CADM1: variants seen among roughly 807,000 people sequenced by gnomAD.
CADM1 encodes the protein TSLC-1.
A neutral mutation model predicts 53.1 loss-of-function variants in CADM1; 15 were observed. That is an observed-to-expected ratio of 0.28 (90% CI 0.19 to 0.44). The LOEUF (loss-of-function observed/expected upper bound fraction) is 0.44, where lower values mean the gene tolerates loss of function less well. CADM1 is among the 20% of genes least tolerant of loss of function. The pLI is 1.00. For synonymous variants in CADM1, 281 were observed against 243.0 expected, an observed-to-expected ratio of 1.16 and a Z score of -1.45; for missense variants, 434 against 611.3, an observed-to-expected ratio of 0.71 and a Z score of 3.06.
chr11:115,295,531 TA>T lies in CADM1; in HGVS notation c.125-55112del, dbSNP rs1163658362. Among the ~76,000 whole-genome samples, 793 of 85,582 alleles carry T rather than the reference TA, an allele frequency of 9.3e-3. 32 individuals are homozygous for T. Among genetic ancestry groups the T allele is most frequent in the African/African-American group, 0.061 (751 of 12,380 alleles). The allele number at this position is 85,582 out of a possible 152,430, so 56.1% of individuals were successfully genotyped here. ...TTATATATATATATATATATATATA[TA>T]TATATATATATATATATAATATATA... On this transcript the variant is annotated intron_variant, in intron 1 of 11. Coordinates refer to ENST00000331581, the MANE Select transcript of CADM1 (RefSeq NM_001301043.2).
At chr11:115,415,484 G>A (rs184221560) in intron 1 of CADM1, among the ~76,000 whole-genome samples, 1 of 152,132 alleles carries the variant, frequency 6.6e-6, no homozygotes, top group Non-Finnish European at 1.5e-5. Flanking sequence ...ACATATGCAA[G>A]GCAAATAAGG....
At chr11:115,336,487 G>A (rs187718727) in intron 1 of CADM1, among the ~76,000 whole-genome samples, 1 of 152,162 alleles carries the variant, frequency 6.6e-6, no homozygotes, top group African/African-American at 2.4e-5. Flanking sequence ...GAACAAGTGG[G>A]AACTCCTAAT....
chr11:115,456,913 C>T (rs1347579929), intron 1 of CADM1, among the ~76,000 whole-genome samples: 1 of 152,142 alleles, frequency 6.6e-6, no homozygotes, highest in Non-Finnish European at 1.5e-5. Context: ...TACTGTTGAT[C>T]ATGCTGTTCC....
intron 1 of CADM1, among the ~76,000 whole-genome samples, chr11:115,498,378 C>T (rs935364268): frequency 1.3e-5 from 2 of 152,164 alleles, no homozygotes; most frequent in Admixed American, 6.5e-5. Flanking sequence ...CCTTTAAAGA[C>T]AAATATACGA....
At chr11:115,246,453 C>G (rs1247497105) in intron 1 of CADM1, among the ~76,000 whole-genome samples, 3 of 152,198 alleles carry the variant, frequency 2.0e-5, no homozygotes, top group Non-Finnish European at 1.5e-5. Flanking sequence ...TTGACCCAAA[C>G]ACTTCATCTG....
intron 7 of CADM1, among the ~76,000 whole-genome samples, chr11:115,210,722 T>C (rs566570775): frequency 1.3e-5 from 2 of 152,358 alleles, no homozygotes; most frequent in African/African-American, 4.8e-5. Flanking sequence ...TCTCAGATTG[T>C]CTAATTAATA....
At chr11:115,243,528 T>A (rs1208962591) in intron 1 of CADM1, among the ~76,000 whole-genome samples, 2 of 152,186 alleles carry the variant, frequency 1.3e-5, no homozygotes, top group African/African-American at 4.8e-5. Context: ...TGCAAAGGAA[T>A]AATAATGACC....
At chr11:115,227,992 A>G (rs1453372924) in intron 5 of CADM1, among the ~76,000 whole-genome samples, 1 of 152,258 alleles carries the variant, frequency 6.6e-6, no homozygotes, top group African/African-American at 2.4e-5. Flanking sequence ...AGATGAGGCC[A>G]TTCTGGATTA....
At chr11:115,181,636 C>T (rs750699323) in intron 10 of CADM1, among the ~76,000 whole-genome samples, 33 of 152,232 alleles carry the variant, frequency 2.2e-4, no homozygotes, top group Non-Finnish European at 4.3e-4. Context: ...ACTCCCACCT[C>T]CTGGGTTTAC....
At chr11:115,256,973 T>C in intron 1 of CADM1, 1 of 451,780 alleles carries the variant, frequency 2.2e-6, no homozygotes, top group Non-Finnish European at 4.5e-6. Context: ...TGGGCAGTCA[T>C]GCTTGTCACA....
At position 115,496,382 on chromosome 11, in the gene CADM1, A is replaced by G. The variant is rs117704425; in HGVS notation, c.124+7889T>C. Among the ~76,000 whole-genome samples the G allele has an allele frequency of 4.9e-3, 749 of 152,332 alleles. 12 individuals carry two copies. The highest frequency in any genetic ancestry group is 0.011 in the South Asian group (55 of 4,834). ...GGAAAAAAGATAAAGAGAGTATTTT[A>G]TGCAAAGGTAACCAGCTGAAGGCTG... On this transcript the variant is annotated intron_variant, in intron 1 of 11. Transcript: ENST00000331581.
At chr11:115,400,763 A>T (rs958249701) in intron 1 of CADM1, among the ~76,000 whole-genome samples, 1 of 144,926 alleles carries the variant, frequency 6.9e-6, no homozygotes, top group Non-Finnish European at 1.5e-5. Flanking sequence ...ATCAGATTTC[A>T]TCAGGGAAAT....
At chr11:115,224,119 A>G (rs1356118367) in intron 5 of CADM1, among the ~76,000 whole-genome samples, 3 of 152,068 alleles carry the variant, frequency 2.0e-5, no homozygotes, top group Non-Finnish European at 4.4e-5. Flanking sequence ...TTGGGAACTA[A>G]GTGTTATCCT....
At chr11:115,357,070 A>C (rs1354753192) in intron 1 of CADM1, among the ~76,000 whole-genome samples, 4 of 152,206 alleles carry the variant, frequency 2.6e-5, no homozygotes. Flanking sequence ...ACTGTGAAGA[A>C]AATTGAAATA....
At chr11:115,308,211 T>TATATATATATATATATATACAC (rs139012671) in intron 1 of CADM1, among the ~76,000 whole-genome samples, 61 of 139,418 alleles carry the variant, frequency 4.4e-4, no homozygotes, top group East Asian at 2.4e-3. Flanking sequence ...TATATATATA[T>TATATATATATATATATATACAC]ACACACCTAT....
At chr11:115,482,524 A>G (rs1367974603) in intron 1 of CADM1, among the ~76,000 whole-genome samples, 1 of 152,224 alleles carries the variant, frequency 6.6e-6, no homozygotes, top group East Asian at 1.9e-4. Context: ...ACTCTTAAAC[A>G]GTACTTCCTG....
At chr11:115,484,607 G>A (rs1949329416) in intron 1 of CADM1, among the ~76,000 whole-genome samples, 1 of 152,142 alleles carries the variant, frequency 6.6e-6, no homozygotes, top group Admixed American at 6.5e-5. Flanking sequence ...CCATGGTAAA[G>A]ACACAATTTG....
At chr11:115,234,277 G>C (rs1941932971) in intron 3 of CADM1, among the ~76,000 whole-genome samples, 1 of 152,160 alleles carries the variant, frequency 6.6e-6, no homozygotes, top group African/African-American at 2.4e-5. Context: ...ATGAGGGTGT[G>C]TTCCTTCCAC....
intron 4 of CADM1, among the ~76,000 whole-genome samples, chr11:115,230,649 G>T (rs142287426): frequency 1.4e-4 from 22 of 152,276 alleles, no homozygotes; most frequent in African/African-American, 4.3e-4. Flanking sequence ...ACCCGAACCC[G>T]GGATGGCCCA....
Sources: gnomAD v4.1 joint callset for allele counts (sites outside exome capture counted in the v4.1 genomes callset) on GRCh38, gnomAD v4.1.1 for gene constraint, MANE v1.5 for transcripts, NCBI Gene and HGNC (gene_info 2026-07-23, HGNC 2026-07-21) for gene names.